Variants in MYO16 observed in about 807,000 individuals in gnomAD.
MYO16 encodes myosin XVI.
MYO16 carries 94 observed loss-of-function variants against 205.3 expected under a neutral mutation model. The observed-to-expected ratio is 0.46, with a 90% CI of 0.39 to 0.54. The LOEUF (loss-of-function observed/expected upper bound fraction) is 0.54. MYO16 is among the 20% of genes least tolerant of loss of function. The pLI, the probability that MYO16 is intolerant of heterozygous loss-of-function variation, is 0.00. For synonymous variants in MYO16, 988 were observed against 954.0 expected, an observed-to-expected ratio of 1.04 and a Z score of -0.66; for missense variants, 2,315 against 2,387.5, an observed-to-expected ratio of 0.97 and a Z score of 0.63.
chr13:108,887,053 TTGAG>T (rs1250124968), intron 13 of MYO16, among the ~76,000 whole-genome samples: 1 of 152,192 alleles, frequency 6.6e-6, no homozygotes, highest in Admixed American at 6.5e-5. Context: ...CGGATCATTA[TTGAG>T]TGTCAGTTGT....
At chr13:108,700,849 A>G (rs1005638486) in intron 2 of MYO16, among the ~76,000 whole-genome samples, 1 of 152,196 alleles carries the variant, frequency 6.6e-6, no homozygotes, top group Admixed American at 6.5e-5. Flanking sequence ...GCACATGTTC[A>G]GAGCTGTGGG....
At chr13:108,876,365 AAC>A (rs1879325449) in intron 12 of MYO16, among the ~76,000 whole-genome samples, 1 of 152,158 alleles carries the variant, frequency 6.6e-6, no homozygotes, top group South Asian at 2.1e-4. Flanking sequence ...ATGGTAAGAA[AAC>A]ACTGTGTCCT....
the MYO16 span, among the ~76,000 whole-genome samples, chr13:108,526,634 AAAG>A: frequency 2.0e-5 from 3 of 152,226 alleles, no homozygotes; most frequent in Admixed American, 6.5e-5. Context: ...TTATAGTTAA[AAAG>A]AAGAATTTTA....
intron 27 of MYO16, among the ~76,000 whole-genome samples, chr13:109,071,254 A>AT (rs1022141330): frequency 6.6e-6 from 1 of 152,144 alleles, no homozygotes; most frequent in Non-Finnish European, 1.5e-5. Context: ...CAAAACATCT[A>AT]TTTTTTATAA....
intron 4 of MYO16, among the ~76,000 whole-genome samples, chr13:108,769,734 G>A (rs1455700997): frequency 1.3e-5 from 2 of 152,106 alleles, no homozygotes; most frequent in Non-Finnish European, 1.5e-5. Flanking sequence ...GGAAAGAGGA[G>A]GCCAAACTCG....
intron 1 of MYO16, among the ~76,000 whole-genome samples, chr13:108,637,275 G>A (rs1020349285): frequency 6.6e-6 from 1 of 152,102 alleles, no homozygotes; most frequent in Admixed American, 6.5e-5. Flanking sequence ...CATTATATCT[G>A]GAGGGTTTCA....
At chr13:108,644,649 CT>C (rs528303417) in intron 1 of MYO16, among the ~76,000 whole-genome samples, 59 of 151,650 alleles carry the variant, frequency 3.9e-4, no homozygotes, top group African/African-American at 9.9e-4. Context: ...CATTTAACAT[CT>C]TTTTTTTTCT....
At position 108,670,448 on chromosome 13, in the gene MYO16, A is replaced by G. The variant is rs544801548; in HGVS notation, c.292+4299A>G. ...CTAGAGAATGGCAGATGTGGTATGAACCTGTGGTTATTCTCCTCCTGGTTT... is the reference window on the plus strand; with the variant it reads ...CTAGAGAATGGCAGATGTGGTATGAGCCTGTGGTTATTCTCCTCCTGGTTT... On this transcript the variant is annotated intron_variant, in intron 2 of 34. Transcript: ENST00000457511. 6.6e-5 allele frequency among the ~76,000 whole-genome samples: 10 copies of G among 152,274 alleles called. No homozygotes were observed. In the East Asian group the frequency reaches 1.5e-3, roughly 24 times the overall value.
chr13:108,716,595 G>A (rs1389491769), intron 3 of MYO16, among the ~76,000 whole-genome samples: 1 of 152,198 alleles, frequency 6.6e-6, no homozygotes, highest in Non-Finnish European at 1.5e-5. Context: ...CTTAGGTACT[G>A]AAAAAGGCAA....
At chr13:108,783,863 G>C (rs932246897) in intron 4 of MYO16, among the ~76,000 whole-genome samples, 1 of 152,190 alleles carries the variant, frequency 6.6e-6, no homozygotes, top group Non-Finnish European at 1.5e-5. Flanking sequence ...TTGTGAAACT[G>C]TGAGTCCAAT....
intron 22 of MYO16, among the ~76,000 whole-genome samples, chr13:109,012,891 T>A (rs574146924): frequency 1.3e-5 from 2 of 152,086 alleles, no homozygotes; most frequent in Non-Finnish European, 2.9e-5. Context: ...TTCTTCTAGG[T>A]CTAAAAATTG....
chr13:108,654,858 G>C (rs1881172679), intron 1 of MYO16, among the ~76,000 whole-genome samples: 2 of 152,198 alleles, frequency 1.3e-5, no homozygotes, highest in African/African-American at 4.8e-5. Flanking sequence ...CCCTACACTA[G>C]AGAATTGTGG....
upstream of MYO16, among the ~76,000 whole-genome samples, chr13:108,627,110 G>A (rs962520785): frequency 7.3e-4 from 110 of 151,376 alleles, no homozygotes; most frequent in African/African-American, 2.6e-3. Context: ...AAAATTTTAT[G>A]AAGGAAGTAA....
intron 34 of MYO16, among the ~76,000 whole-genome samples, chr13:109,199,955 T>C (rs1880336593): frequency 6.6e-6 from 1 of 152,226 alleles, no homozygotes; most frequent in Admixed American, 6.5e-5. Context: ...TGGACTGCCA[T>C]TTAGATAGCA....
intron 2 of MYO16, among the ~76,000 whole-genome samples, chr13:108,677,357 A>G (rs1045063815): frequency 1.6e-5 from 1 of 64,144 alleles, no homozygotes. Context: ...ATATATATGC[A>G]TATATATATA....
intron 14 of MYO16, 143 bp from the exon 15 acceptor site, chr13:108,897,873 T>C: frequency 1.5e-6 from 1 of 646,720 alleles, no homozygotes; most frequent in African/African-American, 1.8e-5. Context: ...GAAAAAGGGG[T>C]CTTAAAAATT....
At chr13:108,682,952 T>C (rs1594205818) in intron 2 of MYO16, among the ~76,000 whole-genome samples, 1 of 152,180 alleles carries the variant, frequency 6.6e-6, no homozygotes, top group Non-Finnish European at 1.5e-5. Flanking sequence ...AAATGTAAGA[T>C]AGAGTCTTTT....
At chr13:108,597,991 C>T (rs1416335921) in intron 1 of MYO16, among the ~76,000 whole-genome samples, 1 of 152,150 alleles carries the variant, frequency 6.6e-6, no homozygotes, top group Non-Finnish European at 1.5e-5. Context: ...AATAATTCTG[C>T]TTTTGAGTAG....
intron 27 of MYO16, among the ~76,000 whole-genome samples, chr13:109,063,483 A>G (rs1429394569): frequency 2.0e-5 from 3 of 152,170 alleles, no homozygotes; most frequent in East Asian, 1.9e-4. Flanking sequence ...GTCCTCCTGT[A>G]AATTCATATG....
Sources: allele counts gnomAD v4.1 joint callset (sites outside exome capture counted in the v4.1 genomes callset), GRCh38; gene constraint gnomAD v4.1.1; transcripts MANE v1.5; gene names NCBI Gene and HGNC (gene_info 2026-07-23, HGNC 2026-07-21).